The following LRP1B variants were observed in gnomAD, a reference collection of about 807,000 sequenced individuals.
The protein encoded by LRP1B is low-density lipoprotein receptor-related protein 1B.
In LRP1B, 217 loss-of-function variants were observed where a neutral mutation model predicts 556.6. The observed-to-expected ratio is 0.39, with a 90% CI of 0.35 to 0.44. The LOEUF (loss-of-function observed/expected upper bound fraction) is 0.44. Among genes scored for constraint, LRP1B ranks in the 20% least tolerant of loss-of-function variants. LRP1B has a pLI of 1.00. For synonymous variants in LRP1B, 2,047 were observed against 1,865.8 expected, an observed-to-expected ratio of 1.10 and a Z score of -2.50; for missense variants, 5,053 against 5,620.8, an observed-to-expected ratio of 0.90 and a Z score of 3.23.
chr2:141,443,811 A>G (rs148088233), intron 3 of LRP1B, among the ~76,000 whole-genome samples: 1 of 152,186 alleles, frequency 6.6e-6, no homozygotes, highest in East Asian at 1.9e-4. Context: ...TACTACTACC[A>G]TGCTGTTTTG....
At chr2:142,077,337 A>G (rs1705540726) in intron 1 of LRP1B, among the ~76,000 whole-genome samples, 1 of 152,242 alleles carries the variant, frequency 6.6e-6, no homozygotes, top group African/African-American at 2.4e-5. Context: ...CATTCTTTGC[A>G]TTGCTGAGCA....
chr2:141,512,969 G>A (rs931152262), intron 2 of LRP1B, among the ~76,000 whole-genome samples: 7 of 152,002 alleles, frequency 4.6e-5, no homozygotes, highest in African/African-American at 1.7e-4. Flanking sequence ...AGAAAGCCAG[G>A]AACTCCTAAA....
Position 142,020,250 on chromosome 2 carries a change from A to G in LRP1B, c.82+110398T>C, listed in dbSNP as rs1422584173. Among the ~76,000 whole-genome samples, 4 of 152,160 alleles carry G rather than the reference A, an allele frequency of 2.6e-5. No homozygotes were observed. The South Asian group carries it at 8.3e-4, about 32-fold the overall frequency. The stretch of plus-strand genomic sequence containing the variant: ...TGTCAGAAATTAGGTGACATTTCAC[A>G]TGGACCCTAAAGGATGATATGAAGG... On this transcript the variant is annotated intron_variant, in intron 1 of 90. Transcript: ENST00000389484.
At chr2:140,346,715 CAT>C (rs1681703934) in intron 77 of LRP1B, among the ~76,000 whole-genome samples, 1 of 151,690 alleles carries the variant, frequency 6.6e-6, no homozygotes. Context: ...TGTGTGCATG[CAT>C]GTGTGTGTGT....
intron 66 of LRP1B, among the ~76,000 whole-genome samples, chr2:140,407,403 A>G (rs541344041): frequency 1.3e-5 from 2 of 151,974 alleles, no homozygotes; most frequent in Non-Finnish European, 2.9e-5. Context: ...ACCATAGAAT[A>G]AGAGACAATA....
intron 1 of LRP1B, among the ~76,000 whole-genome samples, chr2:142,028,924 T>C (rs922335496): frequency 6.6e-6 from 1 of 151,956 alleles, no homozygotes; most frequent in African/African-American, 2.4e-5. Context: ...ATGTTGGAGC[T>C]TTTCATTCAT....
chr2:141,374,107 T>C (rs769214394), intron 3 of LRP1B, among the ~76,000 whole-genome samples: 5 of 152,158 alleles, frequency 3.3e-5, no homozygotes, highest in African/African-American at 4.8e-5. Flanking sequence ...TTCTTCATTT[T>C]TGCAGCTTCA....
intron 3 of LRP1B, among the ~76,000 whole-genome samples, chr2:141,349,010 C>G (rs982809042): frequency 1.3e-5 from 2 of 152,060 alleles, no homozygotes; most frequent in African/African-American, 4.8e-5. Context: ...TCCCCAGCCA[C>G]ATGGAACTCT....
intron 2 of LRP1B, among the ~76,000 whole-genome samples, chr2:141,796,820 A>C (rs890511728): frequency 6.6e-6 from 1 of 150,928 alleles, no homozygotes; most frequent in African/African-American, 2.4e-5. Flanking sequence ...TTTGGGAGGA[A>C]TTTTTTTTTG....
chr2:141,414,704 T>TA (rs1691019855), intron 3 of LRP1B, among the ~76,000 whole-genome samples: 1 of 152,244 alleles, frequency 6.6e-6, no homozygotes, highest in African/African-American at 2.4e-5. Context: ...TGTCAGTAAC[T>TA]ACTTTGCTTT....
At chr2:141,682,035 CAG>C (rs1279914416) in intron 2 of LRP1B, among the ~76,000 whole-genome samples, 1 of 151,756 alleles carries the variant, frequency 6.6e-6, no homozygotes, top group African/African-American at 2.4e-5. Context: ...GGTTCAGAGA[CAG>C]AAAGAATTTC....
intron 41 of LRP1B, among the ~76,000 whole-genome samples, chr2:140,689,728 A>G (rs1166566396): frequency 2.0e-5 from 3 of 152,130 alleles, no homozygotes; most frequent in East Asian, 1.9e-4. Flanking sequence ...TCATCCTTCT[A>G]TCCATTCCTA....
At chr2:141,947,280 CAT>C (rs1700978423) in intron 1 of LRP1B, among the ~76,000 whole-genome samples, 1 of 151,380 alleles carries the variant, frequency 6.6e-6, no homozygotes, top group South Asian at 2.1e-4. Flanking sequence ...AAAAATAAAA[CAT>C]AAAAATTAGC....
intron 3 of LRP1B, among the ~76,000 whole-genome samples, chr2:141,443,546 GT>G (rs1330470585): frequency 1.3e-5 from 2 of 152,124 alleles, no homozygotes; most frequent in Non-Finnish European, 2.9e-5. Flanking sequence ...GTCTTCTAGG[GT>G]TTTTATGGTT....
At chr2:142,064,244 G>A (rs1309815093) in intron 1 of LRP1B, among the ~76,000 whole-genome samples, 2 of 151,358 alleles carry the variant, frequency 1.3e-5, no homozygotes, top group Non-Finnish European at 3.0e-5. Context: ...CAAGATCTTA[G>A]TTACATTGGA....
chr2:141,669,205 C>A (rs1195724533), intron 2 of LRP1B, among the ~76,000 whole-genome samples: 1 of 151,972 alleles, frequency 6.6e-6, no homozygotes, highest in East Asian at 1.9e-4. Flanking sequence ...AGGTTGTGCC[C>A]TAATTCAATA....
intron 2 of LRP1B, among the ~76,000 whole-genome samples, chr2:141,576,646 T>A (rs1686758231): frequency 6.6e-6 from 1 of 151,408 alleles, no homozygotes; most frequent in Non-Finnish European, 1.5e-5. Context: ...TCCAGTTAGT[T>A]GAGAGGCTGA....
At chr2:140,246,066 C>T (rs62171567) in intron 87 of LRP1B, among the ~76,000 whole-genome samples, 385 of 151,374 alleles carry the variant, frequency 2.5e-3, no homozygotes, top group Non-Finnish European at 4.6e-3. Context: ...ACAATGATAT[C>T]GAAACTGTCT....
chr2:141,019,950 T>C lies in LRP1B; in HGVS notation c.1942A>G (p.Arg648Gly). The change falls in exon 12 of 91, where the codon AGA (arginine) becomes GGA (glycine). Residue 648 changes from arginine to glycine, a missense_variant. This residue lies in a region of LRP1B where 3,619 missense variants were observed against 3,931.9 expected (regional missense o/e 0.92). Coordinates refer to ENST00000389484, the MANE Select transcript of LRP1B (RefSeq NM_018557.3). ...TLLEGEMSHP[R>G]GIVVDPVNGW... ...TTAACTGGATCCACCACAATTCCTC[T>C]GGGATGAGACATTTCACCCTCTAAA... 1 of 1,608,520 alleles carries C rather than the reference T, an allele frequency of 6.2e-7. No individual in the cohort carries two copies. Among genetic ancestry groups the C allele is most frequent in the Non-Finnish European group, 8.5e-7 (1 of 1,176,790 alleles).
Sources: gnomAD v4.1 joint callset for allele counts (sites outside exome capture counted in the v4.1 genomes callset) on GRCh38, gnomAD v4.1.1 for gene constraint, gnomAD v4.1.1 regional missense constraint, MANE v1.5 for transcripts, NCBI Gene and HGNC (gene_info 2026-07-23, HGNC 2026-07-21) for gene names.